The following POLR2F variants were observed in gnomAD, a reference collection of about 807,000 sequenced individuals.
POLR2F encodes the protein DNA-directed RNA polymerases I, II, and III subunit RPABC2.
Under a neutral mutation model 22.7 loss-of-function variants are expected in POLR2F, and 12 were observed. The observed-to-expected ratio is 0.53, with a 90% CI of 0.34 to 0.86. POLR2F has a LOEUF of 0.86. Ranked by LOEUF, POLR2F falls within the 40% of genes least tolerant of loss-of-function variation. POLR2F has a pLI of 0.02. For synonymous variants in POLR2F, 57 were observed against 66.0 expected, an observed-to-expected ratio of 0.86 and a Z score of 0.66; for missense variants, 126 against 171.5, an observed-to-expected ratio of 0.73 and a Z score of 1.48.
At chr22:37,977,820 C>T (rs2145767848) in intron 4 of POLR2F, 1 of 1,577,948 alleles carries the variant, frequency 6.3e-7, no homozygotes, top group Middle Eastern at 2.1e-4. Flanking sequence ...TCTCCTGTCT[C>T]CACTGACTGG....
Position 37,959,451 on chromosome 22 carries a change from C to T in POLR2F, c.196C>T (p.Leu66=). The change falls in exon 3 of 5, where the codon CTG becomes TTG. Residue 66 remains leucine, a synonymous_variant. Coordinates refer to ENST00000442738, the MANE Select transcript of POLR2F (RefSeq NM_021974.5). Reference sequence around the variant, plus strand: ...GACCAAGTACGAGCGAGCCCGCGTGCTGGGCACCCGAGCGCTCCAGATTGC... The same window carrying T: ...GACCAAGTACGAGCGAGCCCGCGTGTTGGGCACCCGAGCGCTCCAGATTGC... The part of the protein sequence containing the change: ...YMTKYERARV[L]GTRALQIAMC... The T allele has an allele frequency of 1.2e-6, 2 of 1,614,032 alleles. No homozygotes were observed. The highest frequency in any genetic ancestry group is 1.7e-6 in the Non-Finnish European group (2 of 1,179,974).
chr22:38,003,041 C>T (rs1219558562), intron 1 of POLR2F, among the ~76,000 whole-genome samples: 3 of 151,572 alleles, frequency 2.0e-5, no homozygotes, highest in Non-Finnish European at 2.9e-5. Context: ...TGAGTCTTGA[C>T]GTAAAGGGAG....
intron 1 of POLR2F, among the ~76,000 whole-genome samples, chr22:37,998,785 C>T (rs554858201): frequency 1.3e-4 from 20 of 151,818 alleles, no homozygotes; most frequent in Admixed American, 6.6e-4. Flanking sequence ...TCTGGGGTGT[C>T]ACTCAAGCAC....
intron 1 of POLR2F, chr22:38,025,632 A>C: frequency 6.4e-7 from 1 of 1,561,096 alleles, no homozygotes. Flanking sequence ...GCACTGGCCC[A>C]CAGCCTAGGC....
chr22:37,992,098 G>A (rs905465220), intron 1 of POLR2F, among the ~76,000 whole-genome samples: 5 of 152,316 alleles, frequency 3.3e-5, no homozygotes, highest in Middle Eastern at 3.4e-3. Context: ...ACCCTCCTGA[G>A]TAGCTGGGAC....
At position 37,978,324 on chromosome 22, in the gene POLR2F, G is replaced by A. The variant is rs1470966305; in HGVS notation, c.293+11154G>A. ...TGGACTGAGAGATGTGAGGCCCAAG[G>A]AATAACAGCCTCAGAGGGCTGCCCC... is the stretch of plus-strand genomic sequence containing the variant. On this transcript the variant is annotated intron_variant, in intron 4 of 4. Transcript: ENST00000405557. This position sits in a 1 kb window ranked among gnomAD's most constrained non-coding sequence, Gnocchi z 5.0. Among the ~76,000 whole-genome samples the A allele has an allele frequency of 6.6e-6, 1 of 152,232 alleles. No homozygotes were observed. The highest frequency in any genetic ancestry group is 1.9e-4 in the East Asian group (1 of 5,192).
chr22:37,960,591 G>C (rs1444825268), intron 3 of POLR2F, among the ~76,000 whole-genome samples: 1 of 151,900 alleles, frequency 6.6e-6, no homozygotes. Context: ...TGGAGACGGG[G>C]TTTCACCATG....
At chr22:37,972,586 CCT>C (rs1402314904), downstream of POLR2F, 1 of 223,468 alleles carries the variant, frequency 4.5e-6, no homozygotes, top group East Asian at 1.2e-4. Context: ...GGTGCTGGGC[CCT>C]GTGTCTCCTG....
At chr22:38,039,214 G>C (rs1015266288) in intron 5 of POLR2F, among the ~76,000 whole-genome samples, 1 of 152,210 alleles carries the variant, frequency 6.6e-6, no homozygotes, top group Non-Finnish European at 1.5e-5. Context: ...GCACCAGATG[G>C]GGCTGTCTCC....
At chr22:37,972,309 A>G (rs1421400897), downstream of POLR2F, 7 of 1,178,014 alleles carry the variant, frequency 5.9e-6, no homozygotes, top group Non-Finnish European at 8.0e-6. Flanking sequence ...CTCACCAAGC[A>G]GGTAACCGGA....
intron 1 of POLR2F, among the ~76,000 whole-genome samples, chr22:38,023,028 CA>C (rs2084974721): frequency 6.6e-6 from 1 of 152,048 alleles, no homozygotes; most frequent in Admixed American, 6.6e-5. Context: ...AACAAACAGA[CA>C]AAAAAACAAA....
intron 1 of POLR2F, among the ~76,000 whole-genome samples, chr22:38,004,912 C>T (rs983269045): frequency 6.6e-6 from 1 of 152,180 alleles, no homozygotes; most frequent in African/African-American, 2.4e-5. Context: ...CCATTGCACT[C>T]TAGCCTGGGC....
At chr22:38,041,541 T>C (rs1224594206), downstream of POLR2F, 3 of 172,072 alleles carry the variant, frequency 1.7e-5, no homozygotes, top group Admixed American at 5.9e-5. Context: ...GCCTTGACTC[T>C]GTACAGACCT....
intron 3 of POLR2F, among the ~76,000 whole-genome samples, chr22:37,965,043 G>A (rs1387177415): frequency 2.6e-5 from 4 of 152,184 alleles, no homozygotes; most frequent in African/African-American, 9.7e-5. Context: ...GTCTCACTCT[G>A]TCACCTAGGC....
chr22:37,999,705 C>T (rs1428119139), intron 1 of POLR2F, among the ~76,000 whole-genome samples: 1 of 152,124 alleles, frequency 6.6e-6, no homozygotes, highest in African/African-American at 2.4e-5. Context: ...CAGGGTGCCC[C>T]ACTCCTTGGC....
rs1032461750 is a variant in POLR2F at position 37,980,064 on chromosome 22, G to A, written c.293+12894G>A. On this transcript the variant is annotated intron_variant, in intron 4 of 4. Coordinates refer to the POLR2F transcript ENST00000405557. The surrounding 1 kb of genome is among the most constrained non-coding windows in gnomAD (Gnocchi z 4.1). ...TGTCTACTCCCCCCACCCCGGCCCTGAGCCCAGCCCTAGCCCCAGCTTTCT... is the reference window on the plus strand; with the variant it reads ...TGTCTACTCCCCCCACCCCGGCCCTAAGCCCAGCCCTAGCCCCAGCTTTCT... Among the ~76,000 whole-genome samples the A allele has an allele frequency of 6.6e-6, 1 of 152,118 alleles. No individual in the cohort carries two copies. Among genetic ancestry groups the A allele is most frequent in the African/African-American group, 2.4e-5 (1 of 41,430 alleles).
chr22:37,974,076 C>T (rs143007495), downstream of POLR2F: 17 of 1,613,862 alleles, frequency 1.1e-5, no homozygotes, highest in Non-Finnish European at 1.3e-5. The surrounding 1 kb of genome is among the most constrained non-coding windows in gnomAD (Gnocchi z 5.4). Context: ...TCCACGTTGC[C>T]GAAGTCGATG....
At chr22:37,983,286 G>A (rs906149144), upstream of POLR2F, 11 of 1,520,804 alleles carry the variant, frequency 7.2e-6, no homozygotes, top group African/African-American at 1.4e-5. The surrounding 1 kb of genome is among the most constrained non-coding windows in gnomAD (Gnocchi z 9.5). Flanking sequence ...GCAGGAGGCC[G>A]GGCCGCCTCG....
chr22:37,983,711 G>A, upstream of POLR2F: 1 of 1,502,078 alleles, frequency 6.7e-7, no homozygotes, highest in Non-Finnish European at 8.8e-7. This position sits in a 1 kb window ranked among gnomAD's most constrained non-coding sequence, Gnocchi z 9.5. Context: ...CGCGCTCCCC[G>A]GGGACAGGCA....
Sources: gnomAD v4.1 joint callset for allele counts (sites outside exome capture counted in the v4.1 genomes callset) on GRCh38, gnomAD v4.1.1 for gene constraint, Gnocchi (gnomAD v3.1) non-coding constraint, MANE v1.5 for transcripts, NCBI Gene and HGNC (gene_info 2026-07-23, HGNC 2026-07-21) for gene names.